Variants in ZC3H3 observed in about 807,000 individuals in gnomAD.
The protein encoded by ZC3H3 is zinc finger CCCH-type containing 3, also known as zinc finger CCCH domain-containing protein 3.
ZC3H3 carries 36 observed loss-of-function variants against 77.3 expected under a neutral mutation model. The ratio of observed to expected loss-of-function variants is 0.47; its 90% CI spans 0.36 to 0.61. The LOEUF is 0.61. Among genes scored for constraint, ZC3H3 ranks in the 20% least tolerant of loss-of-function variants. The pLI is 0.00. For missense variants in ZC3H3, 1,331 were observed against 1,312.2 expected (o/e 1.01, Z -0.22); for synonymous variants, 626 against 555.2 (o/e 1.13, Z -1.79).
chr8:143,517,795 C>T (rs920082228), intron 3 of ZC3H3, among the ~76,000 whole-genome samples: 5 of 152,210 alleles, frequency 3.3e-5, no homozygotes, highest in Admixed American at 1.3e-4. Context: ...TGACCCCCCG[C>T]TCCTGCCTGC....
intron 9 of ZC3H3, among the ~76,000 whole-genome samples, chr8:143,448,649 A>T (rs1819917130): frequency 6.6e-6 from 1 of 152,200 alleles, no homozygotes; most frequent in Non-Finnish European, 1.5e-5. Context: ...GCCAGCACTG[A>T]GTGCCTGCAG....
chr8:143,522,158 T>C (rs2060966), intron 3 of ZC3H3, among the ~76,000 whole-genome samples: 4,239 of 152,322 alleles, frequency 0.028, 178 homozygotes, highest in African/African-American at 0.096. Context: ...ACTGATGACC[T>C]GTGGCCTCAT....
intron 9 of ZC3H3, among the ~76,000 whole-genome samples, chr8:143,465,450 C>T (rs867095832): frequency 2.0e-5 from 3 of 152,208 alleles, no homozygotes; most frequent in Admixed American, 2.0e-4. Flanking sequence ...GGGGGGCCAG[C>T]TCCTGGGGCT....
intron 3 of ZC3H3, 60 bp from the exon 4 acceptor site, chr8:143,507,959 G>C: frequency 6.7e-7 from 1 of 1,485,174 alleles, no homozygotes; most frequent in Non-Finnish European, 9.0e-7. Context: ...GGTAGGGTCA[G>C]AGAGGCCACC....
chr8:143,523,448 T>C, intron 3 of ZC3H3: 4 of 985,266 alleles, frequency 4.1e-6, no homozygotes, highest in South Asian at 9.4e-5. Context: ...GGGAGGGTGG[T>C]GTTTGCAGCC....
chr8:143,538,537 C>G lies in ZC3H3; in HGVS notation c.830G>C (p.Gly277Ala). 1.9e-6 allele frequency: 3 copies of G among 1,611,938 alleles called. No individual in the cohort carries two copies. Among genetic ancestry groups the G allele is most frequent in the Non-Finnish European group, 2.5e-6 (3 of 1,180,012 alleles). ...AGHTDQPVPSGSVGGPARPAS... is the reference protein window; with the variant it reads ...AGHTDQPVPSASVGGPARPAS... ...CGGTCTGGCGGGGCCCCCCACTGAG[C>G]CAGACGGAACTGGCTGATCTGTGTG... The change falls in exon 2 of 12, where the codon GGC becomes GCC. Residue 277 changes from glycine (G) to alanine (A), a missense_variant. By Grantham distance (60) the Gly-to-Ala change is moderately conservative (BLOSUM62 0). This residue lies in a region of ZC3H3 where 978 missense variants were observed against 915.5 expected (regional missense o/e 1.07). Transcript: ENST00000262577.
intron 1 of ZC3H3, 137 bp downstream of exon 1, chr8:143,541,239 G>T: frequency 6.7e-7 from 1 of 1,489,712 alleles, no homozygotes; most frequent in Non-Finnish European, 8.9e-7. Flanking sequence ...AGTCCTGGCG[G>T]ACCCTACCGT....
At chr8:143,510,283 C>T (rs1159758033) in intron 3 of ZC3H3, among the ~76,000 whole-genome samples, 1 of 152,214 alleles carries the variant, frequency 6.6e-6, no homozygotes, top group Non-Finnish European at 1.5e-5. Flanking sequence ...CTTCAAGGGG[C>T]TCACAGTGAC....
intron 3 of ZC3H3, chr8:143,523,597 G>C (rs1645410602): frequency 1.0e-6 from 1 of 955,622 alleles, no homozygotes; most frequent in African/African-American, 1.8e-5. Flanking sequence ...AGAATTCCAG[G>C]ACATCCGTTT....
At chr8:143,522,281 T>G (rs541721195) in intron 3 of ZC3H3, among the ~76,000 whole-genome samples, 4 of 152,334 alleles carry the variant, frequency 2.6e-5, no homozygotes, top group Admixed American at 2.6e-4. Context: ...CTGACCTCAC[T>G]ACAGGCCTAT....
In ZC3H3 at chr8:143,538,081, G is replaced by T; in HGVS notation, c.1286C>A (p.Pro429His). 1.2e-6 allele frequency: 2 copies of T among 1,613,024 alleles called. No individual in the cohort carries two copies. The highest frequency in any genetic ancestry group is 1.7e-6 in the Non-Finnish European group (2 of 1,180,022). Residue 429 changes from proline (P) to histidine (H), a missense_variant, in exon 2 of 12, where the codon CCC becomes CAC. Transcript: ENST00000262577. ...RPAVGHSGLK[P>H]LSGETPLSAY... ...CGAGAGCGGGGTCTCCCCAGAGAGG[G>T]GCTTCAAGCCACTGTGTCCTACTGC...
intron 9 of ZC3H3, among the ~76,000 whole-genome samples, chr8:143,441,616 C>A (rs1384356469): frequency 2.0e-5 from 3 of 152,186 alleles, no homozygotes; most frequent in Admixed American, 1.3e-4. Context: ...ATCCCTAGCA[C>A]CTGTCACAGT....
At chr8:143,532,276 C>T (rs1265376816) in intron 3 of ZC3H3, among the ~76,000 whole-genome samples, 1 of 152,346 alleles carries the variant, frequency 6.6e-6, no homozygotes, top group East Asian at 1.9e-4. Flanking sequence ...GCAAGCATGC[C>T]CTCTGCTGGC....
intron 9 of ZC3H3, among the ~76,000 whole-genome samples, chr8:143,464,407 G>C (rs906757655): frequency 6.6e-6 from 1 of 152,244 alleles, no homozygotes; most frequent in African/African-American, 2.4e-5. Flanking sequence ...TTTCAGGTTG[G>C]GGAGCCCGGC....
At chr8:143,535,164 G>A (rs768626087) in intron 3 of ZC3H3, among the ~76,000 whole-genome samples, 1 of 151,972 alleles carries the variant, frequency 6.6e-6, no homozygotes, top group Non-Finnish European at 1.5e-5. Flanking sequence ...TCAGCCTCCC[G>A]AGTAGCTGGG....
chr8:143,465,455 G>A (rs1299607492), intron 9 of ZC3H3, among the ~76,000 whole-genome samples: 1 of 152,194 alleles, frequency 6.6e-6, no homozygotes, highest in African/African-American at 2.4e-5. Flanking sequence ...GCCAGCTCCT[G>A]GGGCTACCAG....
At chr8:143,464,508 G>A (rs2129862948) in intron 9 of ZC3H3, among the ~76,000 whole-genome samples, 1 of 152,312 alleles carries the variant, frequency 6.6e-6, no homozygotes, top group South Asian at 2.1e-4. Context: ...GAGGATGCTT[G>A]GGAAGGGCCC....
chr8:143,481,626 C>T (rs1820911055), intron 4 of ZC3H3, among the ~76,000 whole-genome samples: 1 of 152,246 alleles, frequency 6.6e-6, no homozygotes, highest in Admixed American at 6.5e-5. Context: ...ACATCAGACC[C>T]TGGGAGGGAA....
At position 143,475,498 on chromosome 8, in the gene ZC3H3, G is replaced by A; in HGVS notation, c.1803C>T (p.Tyr601=). ...TGTAGAGGACCCCTCCGATGCAGCG[G>A]TAGCCTTTGCTCCGCCACCAAGGGG... is the stretch of plus-strand genomic sequence containing the variant. ...PGSPWWRSKG[Y]RCIGGVLYKV... The change falls in exon 5 of 12, where the codon TAC becomes TAT. Residue 601 remains tyrosine (Y), a synonymous_variant. Transcript: ENST00000262577. 6.2e-7 allele frequency: 1 copy of A among 1,612,890 alleles called. No individual in the cohort carries two copies.
Sources: allele counts gnomAD v4.1 joint callset (sites outside exome capture counted in the v4.1 genomes callset), GRCh38; gene constraint gnomAD v4.1.1; regional missense constraint gnomAD v4.1.1; transcripts MANE v1.5; gene names NCBI Gene and HGNC (gene_info 2026-07-23, HGNC 2026-07-21).